LRP2BP: variants seen among roughly 807,000 people sequenced by gnomAD.
LRP2BP encodes LRP2 binding protein.
LRP2BP carries 38 observed loss-of-function variants against 45.2 expected under a neutral mutation model. That is an observed-to-expected ratio of 0.84 (90% confidence interval 0.65 to 1.10). The LOEUF (loss-of-function observed/expected upper bound fraction) is 1.10, where lower values mean the gene tolerates loss of function less well. Ranked by LOEUF, LRP2BP falls within the 50% of genes least tolerant of loss-of-function variation. The pLI is 0.00. For synonymous variants in LRP2BP, 153 were observed against 153.9 expected (o/e 0.99, Z 0.04); for missense variants, 385 against 418.9 (o/e 0.92, Z 0.71).
At chr4:185,379,768 G>A (rs1196326889) in intron 1 of LRP2BP, among the ~76,000 whole-genome samples, 1 of 152,144 alleles carries the variant, frequency 6.6e-6, no homozygotes, top group Admixed American at 6.5e-5. Flanking sequence ...GGCTAGTTAA[G>A]GACAGGTAAG....
intron 1 of LRP2BP, among the ~76,000 whole-genome samples, chr4:185,386,262 T>C (rs1364848192): frequency 6.6e-6 from 1 of 152,188 alleles, no homozygotes; most frequent in South Asian, 2.1e-4. Flanking sequence ...CTGCCTGATA[T>C]GATTAGCTCA....
chr4:185,389,353 C>T lies in LRP2BP; in HGVS notation c.-22+5426G>A, dbSNP rs546572812. Among the ~76,000 whole-genome samples the T allele has an allele frequency of 1.5e-3, 230 of 151,832 alleles. 2 individuals carry two copies. The highest frequency in any genetic ancestry group is 7.7e-4 in the Non-Finnish European group (52 of 67,940). Reference sequence around the variant, plus strand: ...CCTCCCAAGTAGCTGGGATTGCAGGCGCACACCACCACACCCGGCTAATTT... The same window carrying T: ...CCTCCCAAGTAGCTGGGATTGCAGGTGCACACCACCACACCCGGCTAATTT... On this transcript the variant is annotated intron_variant, in intron 1 of 8. Coordinates refer to ENST00000505916, the MANE Select transcript of LRP2BP (RefSeq NM_001377440.1).
In LRP2BP at chr4:185,376,921, T is replaced by C. The variant is rs1448606481; in HGVS notation, c.204A>G (p.Leu68=). The change falls in exon 3 of 9, where the codon CTA becomes CTG. Residue 68 remains leucine (L), a synonymous_variant. Transcript: ENST00000505916. ...DTLAYFLRGQ[L]YFEEGWYEEA... ...CAAAAAATGATACCTCTTCAAAATA[T>C]AGTTGACCTCGTAGGAAATATGCCA... 2.5e-6 allele frequency: 4 copies of C among 1,611,160 alleles called. No homozygotes were observed. In the East Asian group the frequency reaches 8.9e-5, roughly 36 times the overall value.
At position 185,368,799 on chromosome 4, in the gene LRP2BP, T is replaced by TG. The variant is rs201898069; in HGVS notation, c.979-1555_979-1554insC. ...TCTCAGATTGGAATCTGTTTTGTTT[T>TG]TTTTTTTTTTTTGAGATGGAGTCTC... On this transcript the variant is annotated intron_variant, in intron 8 of 8. Coordinates refer to ENST00000505916, the MANE Select transcript of LRP2BP (RefSeq NM_001377440.1). Among the ~76,000 whole-genome samples the TG allele has an allele frequency of 6.9e-3, 1,040 of 150,082 alleles. 11 individuals carry two copies. Among genetic ancestry groups the TG allele is most frequent in the African/African-American group, 0.025 (995 of 40,066 alleles).
At chr4:185,379,069 A>T (rs2095447589) in intron 1 of LRP2BP, 1 of 655,234 alleles carries the variant, frequency 1.5e-6, no homozygotes, top group Admixed American at 6.3e-5. Flanking sequence ...GGGGAAAAAA[A>T]TCACTGAATT....
At chr4:185,374,600 T>C (rs1259141714) in intron 4 of LRP2BP, 139 bp from the exon 5 acceptor site, 7 of 888,434 alleles carry the variant, frequency 7.9e-6, no homozygotes, top group Non-Finnish European at 1.2e-5. Flanking sequence ...GGGGTACAAT[T>C]GTCCTGGATT....
Position 185,370,679 on chromosome 4 carries a change from G to C in LRP2BP, c.939C>G (p.Ile313Met). The C allele has an allele frequency of 1.2e-6, 2 of 1,614,056 alleles. No individual in the cohort carries two copies. The highest frequency in any genetic ancestry group is 1.7e-6 in the Non-Finnish European group (2 of 1,180,016). ...GTTTAGCGGTTGTTTCATCCCTGGT[G>C]ATGCCCAAGCCAAGCTGAAGACACC... Reference protein sequence around the residue: ...HARCLQLGLGITRDETTAKHY... With the variant: ...HARCLQLGLGMTRDETTAKHY... Residue 313 changes from isoleucine (I) to methionine (M), a missense_variant, in exon 8 of 9, where the codon ATC (isoleucine) becomes ATG (methionine). Physicochemically the swap from Ile to Met is conservative, Grantham distance 10. Transcript: ENST00000505916.
chr4:185,395,589 T>C lies in LRP2BP; in HGVS notation c.-832A>G. On this transcript the variant is annotated 5_prime_UTR_variant, in exon 1 of 9. Transcript: ENST00000505916. The stretch of plus-strand genomic sequence containing the variant: ...TTAAAAATGTGGAATATAAGAACGA[T>C]TCTATATATTTGAACACACATTTAT... 1.0e-5 allele frequency: 10 copies of C among 978,792 alleles called. No homozygotes were observed. The highest frequency in any genetic ancestry group is 1.2e-5 in the Non-Finnish European group (10 of 823,866). 60.6% of individuals were successfully genotyped at this position (978,792 alleles called of 1,614,324 possible).
At chr4:185,380,543 T>C (rs1187340195) in intron 1 of LRP2BP, among the ~76,000 whole-genome samples, 1 of 152,208 alleles carries the variant, frequency 6.6e-6, no homozygotes, top group Non-Finnish European at 1.5e-5. Context: ...ATGTCTCCTC[T>C]ATCTCTGTGT....
rs117912453 is a variant in LRP2BP, at chr4:185,378,010, C to T, written c.106+71G>A. 3,285 of 1,205,988 alleles carry T rather than the reference C, an allele frequency of 2.7e-3. 69 individuals carry two copies. In the Admixed American group the frequency reaches 0.043, roughly 16 times the overall value. 74.7% of individuals were successfully genotyped at this position (1,205,988 alleles called of 1,614,324 possible). On this transcript the variant is annotated intron_variant, in intron 2 of 8. Coordinates refer to ENST00000505916, the MANE Select transcript of LRP2BP (RefSeq NM_001377440.1). ...CAATAAAACACATTATTTCTTGTCT[C>T]GTTTGCTCTAGCATGCAAAATGAAC...
intron 7 of LRP2BP, 135 bp from the exon 8 acceptor site, chr4:185,370,949 GT>G (rs1326403681): frequency 2.2e-6 from 2 of 919,836 alleles, no homozygotes; most frequent in East Asian, 5.3e-5. Flanking sequence ...TGTTTGCTGT[GT>G]GGGGAAGGGT....
At chr4:185,371,329 G>A (rs1483494179) in intron 7 of LRP2BP, among the ~76,000 whole-genome samples, 1 of 151,894 alleles carries the variant, frequency 6.6e-6, no homozygotes, top group African/African-American at 2.4e-5. Context: ...CACGAGGTTA[G>A]GAGATTGAGA....
intron 4 of LRP2BP, among the ~76,000 whole-genome samples, chr4:185,374,941 T>C (rs1474015413): frequency 6.6e-6 from 1 of 152,076 alleles, no homozygotes; most frequent in Non-Finnish European, 1.5e-5. Flanking sequence ...TTGTATCTAA[T>C]ATACAAATCT....
chr4:185,366,155 A>G lies in LRP2BP; in HGVS notation c.*1025T>C, dbSNP rs2095387442. ...ATGTATATTTGTTTCACAAATGAATAGCCTTGTACAATCTTATGCATATGG... is the reference window on the plus strand; with the variant it reads ...ATGTATATTTGTTTCACAAATGAATGGCCTTGTACAATCTTATGCATATGG... On this transcript the variant is annotated 3_prime_UTR_variant, in exon 9 of 9. Coordinates refer to ENST00000505916, the MANE Select transcript of LRP2BP (RefSeq NM_001377440.1). 1 of 152,270 alleles carries G rather than the reference A, an allele frequency of 6.6e-6. No individual in the cohort carries two copies. The highest frequency in any genetic ancestry group is 1.5e-5 in the Non-Finnish European group (1 of 68,050). 9.4% of individuals were successfully genotyped at this position (152,270 alleles called of 1,614,324 possible). A position where few individuals can be genotyped will look rare whatever the true frequency, so the allele number is the denominator to read the frequency against.
chr4:185,388,354 G>A (rs778594062), intron 1 of LRP2BP, among the ~76,000 whole-genome samples: 1 of 140,080 alleles, frequency 7.1e-6, no homozygotes, highest in Non-Finnish European at 1.5e-5. Flanking sequence ...CTTTGATATA[G>A]CCATGTCCCG....
Position 185,367,068 on chromosome 4 carries a change from TACCC to T in LRP2BP, c.*108_*111del. 1 of 915,992 alleles carries T rather than the reference TACCC, an allele frequency of 1.1e-6. No individual in the cohort carries two copies. The highest frequency in any genetic ancestry group is 1.7e-6 in the Non-Finnish European group (1 of 593,420). 56.7% of individuals were successfully genotyped at this position (915,992 alleles called of 1,614,324 possible). A position where few individuals can be genotyped will look rare whatever the true frequency, so the allele number is the denominator to read the frequency against. On this transcript the variant is annotated 3_prime_UTR_variant, in exon 9 of 9. Transcript: ENST00000505916. ...ACGAAGTAACATGTCACCTGTAAAA[TACCC>T]AGGATAGTGTAATTTGTGATGTGCA...
rs527710136 is a variant in LRP2BP at position 185,365,558 on chromosome 4, G to A, written c.*1622C>T. ...TTTAGTAGAGACGGGGTTTCACCACGTTGGCCAGCCTGGTCTCAAACTCCT... is the reference window on the plus strand; with the variant it reads ...TTTAGTAGAGACGGGGTTTCACCACATTGGCCAGCCTGGTCTCAAACTCCT... On this transcript the variant is annotated 3_prime_UTR_variant, in exon 9 of 9. Transcript: ENST00000505916. The A allele has an allele frequency of 2.6e-5, 4 of 151,764 alleles. No individual in the cohort carries two copies. The highest frequency in any genetic ancestry group is 1.9e-4 in the East Asian group (1 of 5,152). 9.4% of individuals were successfully genotyped at this position (151,764 alleles called of 1,614,324 possible). A position where few individuals can be genotyped will look rare whatever the true frequency, so the allele number is the denominator to read the frequency against.
intron 1 of LRP2BP, among the ~76,000 whole-genome samples, chr4:185,381,812 T>G (rs558670894): frequency 6.3e-4 from 96 of 152,334 alleles, no homozygotes; most frequent in Middle Eastern, 3.4e-3. Flanking sequence ...TGCATCTTTA[T>G]ACTTCTGATT....
upstream of LRP2BP, chr4:185,397,154 A>C: frequency 6.2e-7 from 1 of 1,613,362 alleles, no homozygotes; most frequent in Admixed American, 1.7e-5. Flanking sequence ...CTGCAGGTGG[A>C]TGGTCTGAAG....
Sources: gnomAD v4.1 joint callset for allele counts (sites outside exome capture counted in the v4.1 genomes callset) on GRCh38, gnomAD v4.1.1 for gene constraint, MANE v1.5 for transcripts, NCBI Gene and HGNC (gene_info 2026-07-23, HGNC 2026-07-21) for gene names.